The following CKAP5 variants were observed in gnomAD, a reference collection of about 807,000 sequenced individuals.
CKAP5 encodes the protein cytoskeleton associated protein 5.
Under a neutral mutation model 232.8 loss-of-function variants are expected in CKAP5, and 27 were observed. That is an observed-to-expected ratio of 0.12 (90% CI 0.09 to 0.16). The LOEUF (loss-of-function observed/expected upper bound fraction) is 0.16. Ranked by LOEUF, CKAP5 falls within the 10% of genes least tolerant of loss-of-function variation. CKAP5 has a pLI of 1.00. For synonymous variants in CKAP5, 785 were observed against 841.1 expected (o/e 0.93, Z 1.16); for missense variants, 1,838 against 2,424.7 (o/e 0.76, Z 5.08).
Position 46,803,410 on chromosome 11 carries a change from A to C in CKAP5, c.979-2106T>G, listed in dbSNP as rs145710859. 2.7e-3 allele frequency among the ~76,000 whole-genome samples: 414 copies of C among 152,050 alleles called. 2 individuals are homozygous for C. The highest frequency in any genetic ancestry group is 9.4e-3 in the African/African-American group (392 of 41,498). On this transcript the variant is annotated intron_variant, in intron 8 of 43. Transcript: ENST00000529230. ...CAGCCTCCCGACTGGCTGGGACTAA[A>C]GGCACATGCTACCACACCTGCTAAT...
chr11:46,844,444 C>T (rs1940130300), intron 1 of CKAP5, among the ~76,000 whole-genome samples: 2 of 151,800 alleles, frequency 1.3e-5, no homozygotes, highest in Non-Finnish European at 2.9e-5. Context: ...ACAAAAAACA[C>T]CAAAAAAACA....
chr11:46,821,191 T>C lies in CKAP5; in HGVS notation c.41A>G (p.Gln14Arg). 3 of 1,613,162 alleles carry C rather than the reference T, an allele frequency of 1.9e-6. No individual in the cohort carries two copies. Among genetic ancestry groups the C allele is most frequent in the Non-Finnish European group, 2.5e-6 (3 of 1,179,222 alleles). The stretch of plus-strand genomic sequence containing the variant: ...GAATCTTACCTTGTGTTCACATTTC[T>C]GATCAACTGGCAGTTTCAACCACTC... ...DSEWLKLPVD[Q>R]KCEHKLWKAR... The change falls in exon 2 of 44, where the codon CAG becomes CGG. Residue 14 changes from glutamine (Q) to arginine (R), a missense_variant. Around this residue, in one of 6 missense-constraint regions of CKAP5, gnomAD observed 285 missense variants for 300.0 expected, o/e 0.95. Coordinates refer to ENST00000529230, the MANE Select transcript of CKAP5 (RefSeq NM_001008938.4).
At chr11:46,761,278 AAAAG>A (rs1351419504) in intron 32 of CKAP5, among the ~76,000 whole-genome samples, 3 of 151,866 alleles carry the variant, frequency 2.0e-5, no homozygotes, top group Non-Finnish European at 2.9e-5. Context: ...AACGATAAAA[AAAAG>A]AAAGCCAATT....
chr11:46,786,035 A>G (rs1340409667), intron 16 of CKAP5, among the ~76,000 whole-genome samples: 1 of 152,194 alleles, frequency 6.6e-6, no homozygotes, highest in Non-Finnish European at 1.5e-5. Flanking sequence ...AAACAAACCA[A>G]AGAAATGTAA....
chr11:46,769,270 G>C (rs994392245), intron 26 of CKAP5, among the ~76,000 whole-genome samples: 3 of 152,186 alleles, frequency 2.0e-5, no homozygotes, highest in African/African-American at 7.2e-5. Flanking sequence ...ATCCCTTAAA[G>C]AAGGTTAATA....
At chr11:46,773,310 C>T (rs905605773) in intron 24 of CKAP5, among the ~76,000 whole-genome samples, 21 of 150,646 alleles carry the variant, frequency 1.4e-4, no homozygotes, top group African/African-American at 4.9e-4. Context: ...AGTGCAATGA[C>T]GCGATCTTGG....
chr11:46,768,141 TAA>T (rs1458028566), intron 26 of CKAP5, among the ~76,000 whole-genome samples: 7 of 152,076 alleles, frequency 4.6e-5, no homozygotes, highest in African/African-American at 1.7e-4. Flanking sequence ...TCTTTAAGCG[TAA>T]GAGAGAAATT....
At chr11:46,843,867 C>T (rs984889701) in intron 1 of CKAP5, among the ~76,000 whole-genome samples, 1 of 152,066 alleles carries the variant, frequency 6.6e-6, no homozygotes, top group African/African-American at 2.4e-5. Flanking sequence ...AACACTTCCC[C>T]TACCTAGTAT....
In CKAP5 at chr11:46,797,880, T is replaced by C. The variant is rs1263153916; in HGVS notation, c.1263A>G (p.Ala421=). Residue 421 remains alanine, a synonymous_variant, in exon 11 of 44, where the codon GCA becomes GCG. Coordinates refer to ENST00000529230, the MANE Select transcript of CKAP5 (RefSeq NM_001008938.4). ...AAGCAGTGCAGTGGCGGAAACTTCT[T>C]GCAATAAAAAGAGATGTCTGCTGCT... ...TIKQQTSLFI[A]RSFRHCTAST... is the part of the protein sequence containing the mutation. The C allele has an allele frequency of 6.2e-7, 1 of 1,614,092 alleles. No individual in the cohort carries two copies. Among genetic ancestry groups the C allele is most frequent in the Non-Finnish European group, 8.5e-7 (1 of 1,179,996 alleles).
At chr11:46,789,712 C>T (rs543887149) in intron 15 of CKAP5, among the ~76,000 whole-genome samples, 27 of 152,044 alleles carry the variant, frequency 1.8e-4, no homozygotes, top group Non-Finnish European at 3.5e-4. Context: ...AGGAGAATGG[C>T]GTGAACCCAG....
chr11:46,822,741 CAAA>C lies in CKAP5; in HGVS notation c.-37-1476_-37-1474del, dbSNP rs57170422. 3.7e-3 allele frequency among the ~76,000 whole-genome samples: 288 copies of C among 77,868 alleles called. 2 individuals carry two copies. Among genetic ancestry groups the C allele is most frequent in the African/African-American group, 0.013 (264 of 20,028 alleles). The allele number at this position is 77,868 out of a possible 152,430, so 51.1% of individuals were successfully genotyped here. A position where few individuals can be genotyped will look rare whatever the true frequency, so the allele number is the denominator to read the frequency against. On this transcript the variant is annotated intron_variant, in intron 1 of 43. Coordinates refer to ENST00000529230, the MANE Select transcript of CKAP5 (RefSeq NM_001008938.4). ...CCAGCCTGGGCAACAGACTCCGTCC[CAAA>C]AAAAAAAAAAAAAAAAAAAAGAAAG...
chr11:46,841,530 G>A (rs1940052063), intron 1 of CKAP5, among the ~76,000 whole-genome samples: 1 of 152,184 alleles, frequency 6.6e-6, no homozygotes, highest in African/African-American at 2.4e-5. Context: ...AGGATAAAAG[G>A]ATAGGGATAA....
At chr11:46,834,519 CAAAAAAAAAA>C (rs35792132) in intron 1 of CKAP5, among the ~76,000 whole-genome samples, 1 of 53,576 alleles carries the variant, frequency 1.9e-5, no homozygotes. Context: ...AACTCCATCT[CAAAAAAAAAA>C]AAAAAAAAAA....
chr11:46,824,336 A>G (rs1316192698), intron 1 of CKAP5, among the ~76,000 whole-genome samples: 1 of 152,236 alleles, frequency 6.6e-6, no homozygotes, highest in East Asian at 1.9e-4. Flanking sequence ...AAATACACCA[A>G]TGATGGGAGA....
intron 23 of CKAP5, among the ~76,000 whole-genome samples, chr11:46,777,088 C>T (rs186271564): frequency 1.1e-3 from 168 of 152,168 alleles, no homozygotes; most frequent in African/African-American, 3.8e-3. Flanking sequence ...TACACAATTA[C>T]GTTATAATCA....
chr11:46,790,665 C>CA (rs745699943), intron 13 of CKAP5, 82 bp from the exon 14 acceptor site: 10 of 989,830 alleles, frequency 1.0e-5, no homozygotes, highest in Non-Finnish European at 1.3e-5. Flanking sequence ...TTTTTTGAGA[C>CA]AGTGTCTCAT....
chr11:46,752,193 T>TATACAC (rs1408030107), intron 38 of CKAP5, among the ~76,000 whole-genome samples: 8 of 66,562 alleles, frequency 1.2e-4, no homozygotes, highest in African/African-American at 4.1e-4. Context: ...TATATATATA[T>TATACAC]ACACACACAC....
At chr11:46,813,483 C>T (rs1207549208) in intron 4 of CKAP5, among the ~76,000 whole-genome samples, 7 of 152,022 alleles carry the variant, frequency 4.6e-5, no homozygotes, top group Admixed American at 2.6e-4. Context: ...TGATACTAAA[C>T]GTATTACTAT....
intron 13 of CKAP5, among the ~76,000 whole-genome samples, chr11:46,795,048 A>C (rs1231327399): frequency 6.6e-6 from 1 of 151,332 alleles, no homozygotes; most frequent in African/African-American, 2.4e-5. Context: ...GTTAAGACAG[A>C]CCAGGCACGG....
Sources: gnomAD v4.1 joint callset for allele counts (sites outside exome capture counted in the v4.1 genomes callset) on GRCh38, gnomAD v4.1.1 for gene constraint, gnomAD v4.1.1 regional missense constraint, MANE v1.5 for transcripts, NCBI Gene and HGNC (gene_info 2026-07-23, HGNC 2026-07-21) for gene names.